Variants in VPS13A observed in about 807,000 individuals in gnomAD.
VPS13A encodes the protein intermembrane lipid transfer protein VPS13A.
Under a neutral mutation model 390.9 loss-of-function variants are expected in VPS13A, and 264 were observed. The ratio of observed to expected loss-of-function variants is 0.68; its 90% confidence interval spans 0.61 to 0.75. The LOEUF (loss-of-function observed/expected upper bound fraction) is 0.75. Among genes scored for constraint, VPS13A ranks in the 30% least tolerant of loss-of-function variants. The probability of loss-of-function intolerance (pLI) is 0.00; values close to 1 mark genes in which losing one functional copy is unlikely to be tolerated. For missense variants in VPS13A, 3,409 were observed against 3,733.9 expected (o/e 0.91, Z 2.27); for synonymous variants, 1,231 against 1,227.1 (o/e 1.00, Z -0.07).
At chr9:77,185,809 A>G (rs1824295829) in intron 1 of VPS13A, among the ~76,000 whole-genome samples, 2 of 152,218 alleles carry the variant, frequency 1.3e-5, no homozygotes, top group Non-Finnish European at 2.9e-5. Context: ...CTGTTCACTT[A>G]AAACTAGTCC....
At chr9:77,241,806 C>T (rs1383281990) in intron 19 of VPS13A, among the ~76,000 whole-genome samples, 1 of 152,114 alleles carries the variant, frequency 6.6e-6, no homozygotes, top group East Asian at 1.9e-4. Flanking sequence ...GGCTACATAC[C>T]TCCTTGAGGA....
rs1563978576 is a variant in VPS13A at position 77,381,832 on chromosome 9, TTA to T, written c.9078-142_9078-141del. Reference sequence around the variant, plus strand: ...TATTTTTCTAGAGAACTTACACTGTTTATGTTACAAAAACAATTTAAAATTAG... The same window carrying T: ...TATTTTTCTAGAGAACTTACACTGTTTGTTACAAAAACAATTTAAAATTAG... On this transcript the variant is annotated intron_variant, in intron 67 of 71. Coordinates refer to ENST00000360280, the MANE Select transcript of VPS13A (RefSeq NM_033305.3). The T allele has an allele frequency of 1.1e-5, 7 of 629,272 alleles. No individual in the cohort carries two copies. The East Asian group carries it at 1.7e-4, about 15-fold the overall frequency. 39.0% of individuals were successfully genotyped at this position (629,272 alleles called of 1,614,324 possible). A position where few individuals can be genotyped will look rare whatever the true frequency, so the allele number is the denominator to read the frequency against.
chr9:77,243,896 TA>T (rs1329229183), intron 19 of VPS13A, among the ~76,000 whole-genome samples: 2 of 152,176 alleles, frequency 1.3e-5, no homozygotes, highest in African/African-American at 4.8e-5. Flanking sequence ...AATGAATTAT[TA>T]ACTGTAATGA....
At chr9:77,209,650 A>G (rs1590001605) in intron 6 of VPS13A, 118 bp downstream of exon 6, 6 of 677,780 alleles carry the variant, frequency 8.9e-6, no homozygotes, top group Non-Finnish European at 1.5e-5. Flanking sequence ...ACAGAGCTAA[A>G]GATGATGTGA....
intron 33 of VPS13A, among the ~76,000 whole-genome samples, chr9:77,299,687 A>T (rs985755848): frequency 4.6e-5 from 7 of 152,210 alleles, no homozygotes; most frequent in African/African-American, 1.7e-4. Flanking sequence ...ATGCTCATCA[A>T]TGACAGCATG....
At chr9:77,325,224 C>A (rs1216157823) in intron 45 of VPS13A, among the ~76,000 whole-genome samples, 1 of 152,192 alleles carries the variant, frequency 6.6e-6, no homozygotes, top group African/African-American at 2.4e-5. Context: ...TCTGGCTGAT[C>A]TGACAGGAGG....
Position 77,228,236 on chromosome 9 carries a change from G to T in VPS13A, c.1567G>T (p.Val523Leu). 6.2e-7 allele frequency: 1 copy of T among 1,601,122 alleles called. No individual in the cohort carries two copies. Among genetic ancestry groups the T allele is most frequent in the East Asian group, 2.3e-5 (1 of 44,408 alleles). ...IVIEEFSTLI[V>L]QRPGAQAIKF... ...AATAGAAGAATTTAGCACCTTAATT[G>T]TGCAAAGACCAGGAGCACAAGCAAT... The change falls in exon 17 of 72, where the codon GTG becomes TTG. Residue 523 changes from valine (V) to leucine (L), a missense_variant. Coordinates refer to ENST00000360280, the MANE Select transcript of VPS13A (RefSeq NM_033305.3).
chr9:77,266,428 A>G (rs1189481754), intron 23 of VPS13A, among the ~76,000 whole-genome samples: 1 of 152,108 alleles, frequency 6.6e-6, no homozygotes, highest in Non-Finnish European at 1.5e-5. Context: ...GTGGGAGTCT[A>G]AGTCTCTTTG....
chr9:77,261,811 C>T (rs1825779459), intron 23 of VPS13A, among the ~76,000 whole-genome samples: 1 of 152,108 alleles, frequency 6.6e-6, no homozygotes, highest in Admixed American at 6.5e-5. Flanking sequence ...TCTTAAAATC[C>T]TGACCTCAAG....
rs139817600 is a variant in VPS13A at position 77,321,641 on chromosome 9, T to C, written c.5725T>C (p.Leu1909=). The change falls in exon 44 of 72, where the codon TTG becomes CTG. Residue 1909 remains leucine (L), a synonymous_variant. Coordinates refer to ENST00000360280, the MANE Select transcript of VPS13A (RefSeq NM_033305.3). ...CATTCCTATGGCAAAATCATATGTA[T>C]TGAAAAATGGAGAAAGTTTAAGTAT... ...LNIPMAKSYV[L]KNGESLSMDY... is the part of the protein sequence containing the mutation. 27 of 1,613,306 alleles carry C rather than the reference T, an allele frequency of 1.7e-5. No individual in the cohort carries two copies. The Admixed American group carries it at 2.2e-4, about 13-fold the overall frequency.
At chr9:77,275,866 A>T (rs903126822) in intron 25 of VPS13A, among the ~76,000 whole-genome samples, 199 bp from the exon 26 acceptor site, 6 of 147,648 alleles carry the variant, frequency 4.1e-5, no homozygotes, top group African/African-American at 1.5e-4. Flanking sequence ...ATTTAAATTT[A>T]TTCAGTACAT....
In VPS13A at chr9:77,295,559, T is replaced by G; in HGVS notation, c.3525T>G (p.Phe1175Leu). 1.2e-6 allele frequency: 2 copies of G among 1,607,950 alleles called. No homozygotes were observed. The highest frequency in any genetic ancestry group is 1.7e-6 in the Non-Finnish European group (2 of 1,175,726). Residue 1175 changes from phenylalanine (F) to leucine (L), a missense_variant, in exon 33 of 72, where the codon TTT becomes TTG. Around this residue, in one of 5 missense-constraint regions of VPS13A, gnomAD observed 2,717 missense variants for 2,917.4 expected, o/e 0.93. Transcript: ENST00000360280. ...TCTTACAGGCTTTTATAGATAATTT[T>G]CAGGCAGCTAAACAAGCCTTGGCTG... ...LYSILAFIDN[F>L]QAAKQALAEA... is the part of the protein sequence containing the mutation.
rs550217826 is a variant in VPS13A, at chr9:77,272,318, G to A, written c.2428-962G>A. Among the ~76,000 whole-genome samples the A allele has an allele frequency of 6.2e-4, 94 of 152,274 alleles. 1 individual carries two copies. In the South Asian group the frequency reaches 0.019, roughly 31 times the overall value. Reference sequence around the variant, plus strand: ...CACCACTTTTGAAAATGGTTTGATAGTGCTCAATAAGGTGAACATATATAA... The same window carrying A: ...CACCACTTTTGAAAATGGTTTGATAATGCTCAATAAGGTGAACATATATAA... On this transcript the variant is annotated intron_variant, in intron 23 of 71. Coordinates refer to ENST00000360280, the MANE Select transcript of VPS13A (RefSeq NM_033305.3).
intron 35 of VPS13A, among the ~76,000 whole-genome samples, chr9:77,313,630 A>G (rs1829219887): frequency 2.0e-5 from 3 of 152,194 alleles, no homozygotes; most frequent in African/African-American, 7.2e-5. Flanking sequence ...TTAAAGTAAA[A>G]TTTGAATACT....
rs1025416078 is a variant in VPS13A, at chr9:77,340,720, T to A, written c.7026+170T>A. ...CCCTGCTCTAGATAGATGGGAAGGT[T>A]CAATTTTTAATAATTAGGTAACTAG... On this transcript the variant is annotated intron_variant, in intron 50 of 71. Transcript: ENST00000360280. 9 of 736,866 alleles carry A rather than the reference T, an allele frequency of 1.2e-5. No individual in the cohort carries two copies. The African/African-American group carries it at 1.4e-4, about 12-fold the overall frequency. The allele number at this position is 736,866 out of a possible 1,614,324, so 45.6% of individuals were successfully genotyped here. A position where few individuals can be genotyped will look rare whatever the true frequency, so the allele number is the denominator to read the frequency against.
intron 57 of VPS13A, 45 bp downstream of exon 57, chr9:77,358,483 T>G: frequency 1.4e-6 from 2 of 1,460,154 alleles, no homozygotes; most frequent in Non-Finnish European, 1.9e-6. Flanking sequence ...TTGTATTAGC[T>G]ATTTGATTTA....
intron 17 of VPS13A, among the ~76,000 whole-genome samples, chr9:77,235,138 G>A (rs1232744503): frequency 6.6e-6 from 1 of 152,144 alleles, no homozygotes; most frequent in Non-Finnish European, 1.5e-5. Context: ...AATTACAACA[G>A]TTCTTTATTT....
chr9:77,340,799 G>A (rs1830768015), intron 50 of VPS13A: 2 of 438,702 alleles, frequency 4.6e-6, no homozygotes, highest in East Asian at 4.5e-5. Context: ...AACCACTTTG[G>A]TTAAATAAAG....
chr9:77,349,687 A>G (rs190654179), intron 52 of VPS13A, among the ~76,000 whole-genome samples: 37 of 152,238 alleles, frequency 2.4e-4, no homozygotes, highest in Non-Finnish European at 4.7e-4. Flanking sequence ...TGTTTTGCCC[A>G]GGCTGGAGTG....
Sources: allele counts gnomAD v4.1 joint callset (sites outside exome capture counted in the v4.1 genomes callset), GRCh38; gene constraint gnomAD v4.1.1; regional missense constraint gnomAD v4.1.1; transcripts MANE v1.5; gene names NCBI Gene and HGNC (gene_info 2026-07-23, HGNC 2026-07-21).